LYPLAL1: variants seen among roughly 807,000 people sequenced by gnomAD.
LYPLAL1 encodes the protein lysophospholipase-like protein 1.
A neutral mutation model predicts 19.7 loss-of-function variants in LYPLAL1; 23 were observed. The observed-to-expected ratio is 1.17, with a 90% CI of 0.84 to 1.65. LYPLAL1 has a LOEUF of 1.65. Ranked by LOEUF, LYPLAL1 falls within the 40% of genes most tolerant of loss-of-function variation. LYPLAL1 has a pLI of 0.00. For synonymous variants in LYPLAL1, 119 were observed against 96.3 expected (o/e 1.24, Z -1.38); for missense variants, 355 against 279.4 (o/e 1.27, Z -1.93).
At chr1:219,437,572 C>T in the LYPLAL1 span, among the ~76,000 whole-genome samples, 1 of 151,886 alleles carries the variant, frequency 6.6e-6, no homozygotes, top group African/African-American at 2.4e-5. Flanking sequence ...ATCTGTGCTG[C>T]CAGGTACCTC....
the LYPLAL1 span, among the ~76,000 whole-genome samples, chr1:219,244,997 TTTA>T: frequency 1.3e-5 from 2 of 149,446 alleles, no homozygotes; most frequent in African/African-American, 4.9e-5. Context: ...TCCTTGCTTC[TTTA>T]TTCTTTCTTT....
the LYPLAL1 span, among the ~76,000 whole-genome samples, chr1:219,394,599 C>T: frequency 6.6e-6 from 1 of 152,148 alleles, no homozygotes; most frequent in Non-Finnish European, 1.5e-5. Context: ...CCTTTTGTGA[C>T]TGGTTTATTT....
chr1:219,277,612 C>G, the LYPLAL1 span, among the ~76,000 whole-genome samples: 1 of 152,174 alleles, frequency 6.6e-6, no homozygotes, highest in Admixed American at 6.5e-5. Context: ...TGGAAAACAA[C>G]AAGAATCTGA....
intron 3 of LYPLAL1, chr1:219,198,809 TGATATA>T (rs2125082414): frequency 6.6e-6 from 1 of 152,306 alleles, no homozygotes; most frequent in East Asian, 1.9e-4. Flanking sequence ...ACATTTCCTA[TGATATA>T]GTTGGTTAAG....
chr1:219,359,019 C>CA, the LYPLAL1 span, among the ~76,000 whole-genome samples: 1 of 151,960 alleles, frequency 6.6e-6, no homozygotes, highest in African/African-American at 2.4e-5. Flanking sequence ...TACTAGAAAA[C>CA]AAAATCCAAA....
At chr1:219,413,161 G>A in the LYPLAL1 span, among the ~76,000 whole-genome samples, 1 of 152,104 alleles carries the variant, frequency 6.6e-6, no homozygotes, top group Non-Finnish European at 1.5e-5. Context: ...ATGGAAGGTT[G>A]GGGCTAGAGG....
the LYPLAL1 span, among the ~76,000 whole-genome samples, chr1:219,319,897 C>T: frequency 6.6e-6 from 1 of 152,224 alleles, no homozygotes; most frequent in African/African-American, 2.4e-5. Context: ...GCACAGTATC[C>T]ATCTCTGTGT....
chr1:219,216,841 G>A (rs936794241), downstream of LYPLAL1, among the ~76,000 whole-genome samples: 1 of 141,574 alleles, frequency 7.1e-6, no homozygotes, highest in African/African-American at 2.5e-5. Context: ...CAGTAAGCCG[G>A]GGCAGTCCTT....
chr1:219,415,357 T>C, the LYPLAL1 span, among the ~76,000 whole-genome samples: 1 of 152,178 alleles, frequency 6.6e-6, no homozygotes, highest in Non-Finnish European at 1.5e-5. Context: ...CTGGAAGAGA[T>C]GTTTTCATGA....
chr1:219,177,333 C>T (rs987707715), intron 1 of LYPLAL1, among the ~76,000 whole-genome samples: 2 of 152,194 alleles, frequency 1.3e-5, no homozygotes, highest in Non-Finnish European at 2.9e-5. Flanking sequence ...TGTAAGGTCT[C>T]TTCCCCATAG....
the LYPLAL1 span, among the ~76,000 whole-genome samples, chr1:219,294,141 T>C: frequency 1.3e-5 from 2 of 152,234 alleles, no homozygotes. Flanking sequence ...AATAACCATT[T>C]GATAGAAGAG....
the LYPLAL1 span, among the ~76,000 whole-genome samples, chr1:219,309,446 G>A: frequency 6.6e-6 from 1 of 152,156 alleles, no homozygotes; most frequent in Non-Finnish European, 1.5e-5. Context: ...ATGAGATTTG[G>A]TGGGGCTGGG....
chr1:219,353,200 T>C, the LYPLAL1 span, among the ~76,000 whole-genome samples: 2 of 152,180 alleles, frequency 1.3e-5, no homozygotes, highest in Non-Finnish European at 2.9e-5. Context: ...AAGCAGATCA[T>C]GTTGGTCTCA....
Position 219,212,390 on chromosome 1 carries a change from T to G in LYPLAL1, c.*662T>G, listed in dbSNP as rs957400323. ...AATGATACTAATAGTACTTATCCCA[T>G]TGGATTTTTGTTGAGATTTAAATAA... On this transcript the variant is annotated 3_prime_UTR_variant, in exon 5 of 5. Transcript: ENST00000366928. 2.6e-5 allele frequency: 4 copies of G among 151,980 alleles called. No homozygotes were observed. The highest frequency in any genetic ancestry group is 5.9e-5 in the Non-Finnish European group (4 of 67,908). 9.4% of individuals were successfully genotyped at this position (151,980 alleles called of 1,614,324 possible).
At chr1:219,234,047 T>A in the LYPLAL1 span, among the ~76,000 whole-genome samples, 1 of 152,150 alleles carries the variant, frequency 6.6e-6, no homozygotes, top group Non-Finnish European at 1.5e-5. Context: ...CATTAGGGTT[T>A]GAACCTTACT....
the LYPLAL1 span, among the ~76,000 whole-genome samples, chr1:219,274,247 A>ATAAAT: frequency 6.6e-6 from 1 of 152,340 alleles, no homozygotes; most frequent in South Asian, 2.1e-4. Context: ...ACAGAAGGAA[A>ATAAAT]TCACACTGAT....
chr1:219,311,142 T>G, the LYPLAL1 span, among the ~76,000 whole-genome samples: 6 of 152,176 alleles, frequency 3.9e-5, no homozygotes, highest in Non-Finnish European at 7.4e-5. Flanking sequence ...TAAGAGTTTT[T>G]TTTTTTTTTC....
At chr1:219,426,231 A>G in the LYPLAL1 span, among the ~76,000 whole-genome samples, 1 of 152,212 alleles carries the variant, frequency 6.6e-6, no homozygotes, top group Admixed American at 6.5e-5. Context: ...TGACAAAACT[A>G]CCTGGTGAAT....
chr1:219,245,103 C>T, the LYPLAL1 span, among the ~76,000 whole-genome samples: 1 of 148,030 alleles, frequency 6.8e-6, no homozygotes, highest in Non-Finnish European at 1.5e-5. Flanking sequence ...TCTTTCTTTC[C>T]CTTCCTTTCT....
Sources: gnomAD v4.1 joint callset for allele counts (sites outside exome capture counted in the v4.1 genomes callset) on GRCh38, gnomAD v4.1.1 for gene constraint, MANE v1.5 for transcripts, NCBI Gene and HGNC (gene_info 2026-07-23, HGNC 2026-07-21) for gene names.